The following ADAMTSL1 variants were observed in gnomAD, a reference collection of about 807,000 sequenced individuals.
The protein encoded by ADAMTSL1 is ADAMTS-like protein 1.
In ADAMTSL1, 126 loss-of-function variants were observed where a neutral mutation model predicts 201.8. The ratio of observed to expected loss-of-function variants is 0.62; its 90% CI spans 0.54 to 0.72. The LOEUF (loss-of-function observed/expected upper bound fraction) is 0.72. Ranked by LOEUF, ADAMTSL1 falls within the 30% of genes least tolerant of loss-of-function variation. The pLI, the probability that ADAMTSL1 is intolerant of heterozygous loss-of-function variation, is 0.00. For missense variants in ADAMTSL1, 2,679 were observed against 2,277.8 expected (o/e 1.18, Z -3.59); for synonymous variants, 1,121 against 903.4 (o/e 1.24, Z -4.32).
chr9:18,451,445 A>G (rs1820402559), intron 2 of ADAMTSL1, among the ~76,000 whole-genome samples: 1 of 152,220 alleles, frequency 6.6e-6, no homozygotes, highest in Non-Finnish European at 1.5e-5. Flanking sequence ...GTGTACCTGT[A>G]TTATAGCCAT....
intron 1 of ADAMTSL1, among the ~76,000 whole-genome samples, chr9:18,123,586 T>G (rs1195453921): frequency 1.3e-5 from 2 of 152,194 alleles, no homozygotes; most frequent in African/African-American, 4.8e-5. Flanking sequence ...TCAGATAACT[T>G]TTAAAAATAA....
chr9:18,352,406 C>T (rs1293495434), intron 2 of ADAMTSL1, among the ~76,000 whole-genome samples: 1 of 152,216 alleles, frequency 6.6e-6, no homozygotes, highest in Non-Finnish European at 1.5e-5. Flanking sequence ...TCCTACAGAT[C>T]AGTATCCTGA....
chr9:18,782,970 C>A (rs1289458861), intron 19 of ADAMTSL1, among the ~76,000 whole-genome samples: 1 of 152,138 alleles, frequency 6.6e-6, no homozygotes, highest in African/African-American at 2.4e-5. Context: ...TCGGGTTTTA[C>A]ACTGAGTACT....
intron 23 of ADAMTSL1, among the ~76,000 whole-genome samples, chr9:18,845,710 C>G (rs548770315): frequency 6.6e-6 from 1 of 152,194 alleles, no homozygotes; most frequent in Non-Finnish European, 1.5e-5. Flanking sequence ...CTGCTAAGAG[C>G]GGCAAGGCTC....
intron 4 of ADAMTSL1, among the ~76,000 whole-genome samples, chr9:18,591,721 C>T (rs981051882): frequency 6.6e-6 from 1 of 152,116 alleles, no homozygotes; most frequent in Non-Finnish European, 1.5e-5. Context: ...TCTTTATTAA[C>T]CAGAATAGGA....
At chr9:18,849,551 A>T (rs1188743621) in intron 23 of ADAMTSL1, among the ~76,000 whole-genome samples, 1 of 152,190 alleles carries the variant, frequency 6.6e-6, no homozygotes, top group Non-Finnish European at 1.5e-5. Flanking sequence ...TCCACACTGC[A>T]GACCCACCCA....
chr9:17,931,965 G>A (rs563910773), intron 1 of ADAMTSL1, among the ~76,000 whole-genome samples: 13 of 152,268 alleles, frequency 8.5e-5, no homozygotes, highest in East Asian at 1.9e-4. Context: ...GAGCAAGACC[G>A]CAATGTAGAG....
At chr9:18,135,495 C>A (rs1408288852) in intron 1 of ADAMTSL1, among the ~76,000 whole-genome samples, 2 of 152,082 alleles carry the variant, frequency 1.3e-5, no homozygotes, top group African/African-American at 4.8e-5. Flanking sequence ...AGTTGTTTAA[C>A]ACATCAGAAA....
intron 2 of ADAMTSL1, among the ~76,000 whole-genome samples, chr9:18,406,318 T>C (rs1410804196): frequency 6.7e-6 from 1 of 148,280 alleles, no homozygotes; most frequent in African/African-American, 2.5e-5. Context: ...TCTTTTCTTT[T>C]CTTTTCTTTT....
chr9:18,371,386 T>C lies in ADAMTSL1; in HGVS notation c.208-133443T>C, dbSNP rs73430994. ...AAGGGTGGAGTACATCTGAAACTTA[T>C]ATCACATTGCAAGCTGCATATATTG... On this transcript the variant is annotated intron_variant, in intron 2 of 29. Coordinates refer to the ADAMTSL1 transcript ENST00000680146. Among the ~76,000 whole-genome samples, 1,214 of 152,326 alleles carry C rather than the reference T, an allele frequency of 8.0e-3. 18 individuals carry two copies. Among genetic ancestry groups the C allele is most frequent in the African/African-American group, 0.027 (1,131 of 41,588 alleles).
intron 2 of ADAMTSL1, among the ~76,000 whole-genome samples, chr9:18,339,162 A>G (rs1489028143): frequency 6.6e-6 from 1 of 152,166 alleles, no homozygotes; most frequent in Non-Finnish European, 1.5e-5. Context: ...ATAACAGAGT[A>G]AACAGACAAC....
At chr9:18,110,537 A>G (rs1824960368) in intron 1 of ADAMTSL1, among the ~76,000 whole-genome samples, 1 of 152,144 alleles carries the variant, frequency 6.6e-6, no homozygotes, top group African/African-American at 2.4e-5. Flanking sequence ...CCTATCTGAG[A>G]CATCCTGAGC....
At chr9:18,052,949 A>G (rs1252218404) in intron 1 of ADAMTSL1, among the ~76,000 whole-genome samples, 1 of 152,184 alleles carries the variant, frequency 6.6e-6, no homozygotes, top group Admixed American at 6.5e-5. Context: ...TGGGGCTCCA[A>G]TTTAGAAATG....
intron 1 of ADAMTSL1, among the ~76,000 whole-genome samples, chr9:18,140,168 A>G (rs1392493552): frequency 2.0e-5 from 3 of 152,186 alleles, no homozygotes; most frequent in Non-Finnish European, 4.4e-5. Context: ...TAGGGAAGTT[A>G]GACTTGACAA....
chr9:18,092,897 C>T (rs7046806), intron 1 of ADAMTSL1, among the ~76,000 whole-genome samples: 89,647 of 152,086 alleles, frequency 0.59, 27,179 homozygotes, highest in African/African-American at 0.74. Flanking sequence ...AAAAGGCAGA[C>T]TTCATTTACA....
chr9:18,473,985 G>T (rs972066489), upstream of ADAMTSL1: 28 of 453,970 alleles, frequency 6.2e-5, no homozygotes, highest in East Asian at 8.9e-4. Context: ...TGTCCTCCTG[G>T]CTTTGTTATT....
chr9:18,415,669 GA>G (rs200107320), intron 2 of ADAMTSL1, among the ~76,000 whole-genome samples: 99 of 145,992 alleles, frequency 6.8e-4, no homozygotes, highest in South Asian at 1.7e-3. Flanking sequence ...TGAGTAAAAA[GA>G]AAAAAAAAAT....
intron 5 of ADAMTSL1, among the ~76,000 whole-genome samples, chr9:18,626,858 T>TCTTTCTTA (rs1826398951): frequency 2.2e-5 from 3 of 133,720 alleles, no homozygotes; most frequent in Admixed American, 7.3e-5. Flanking sequence ...TTTCTTTCTT[T>TCTTTCTTA]CTTTCTTTCT....
intron 1 of ADAMTSL1, among the ~76,000 whole-genome samples, chr9:18,064,779 A>C (rs557299878): frequency 6.6e-6 from 1 of 151,896 alleles, no homozygotes; most frequent in East Asian, 1.9e-4. Context: ...TATATAATGA[A>C]AATTTATATA....
Sources: gnomAD v4.1 joint callset for allele counts (sites outside exome capture counted in the v4.1 genomes callset) on GRCh38, gnomAD v4.1.1 for gene constraint, MANE v1.5 for transcripts, NCBI Gene and HGNC (gene_info 2026-07-23, HGNC 2026-07-21) for gene names.